NECTIN3: variants seen among roughly 807,000 people sequenced by gnomAD.
NECTIN3 encodes the protein nectin cell adhesion molecule 3, also known as nectin-3.
Under a neutral mutation model 49.4 loss-of-function variants are expected in NECTIN3, and 8 were observed. The observed-to-expected ratio is 0.16, with a 90% CI of 0.10 to 0.29. NECTIN3 has a LOEUF of 0.29. Among genes scored for constraint, NECTIN3 ranks in the 10% least tolerant of loss-of-function variants. The pLI is 1.00. For synonymous variants in NECTIN3, 277 were observed against 241.1 expected (o/e 1.15, Z -1.38); for missense variants, 581 against 654.6 (o/e 0.89, Z 1.23).
At chr3:111,144,543 G>C (rs2034828985) in intron 5 of NECTIN3, among the ~76,000 whole-genome samples, 1 of 151,538 alleles carries the variant, frequency 6.6e-6, no homozygotes, top group Non-Finnish European at 1.5e-5. Context: ...GTTTATATTA[G>C]AGAATATTGA....
At chr3:111,130,889 T>G (rs1368745543) in intron 5 of NECTIN3, among the ~76,000 whole-genome samples, 2 of 152,148 alleles carry the variant, frequency 1.3e-5, no homozygotes, top group Admixed American at 1.3e-4. Flanking sequence ...TAATACCTGT[T>G]TCTTATCTTT....
intron 7 of NECTIN3, chr3:111,147,573 T>C: frequency 4.6e-6 from 5 of 1,094,818 alleles, no homozygotes; most frequent in Non-Finnish European, 6.5e-6. Context: ...AAATGTTGTT[T>C]AGTCATTATG....
chr3:111,161,765 T>TG (rs1285152180), intron 7 of NECTIN3, among the ~76,000 whole-genome samples: 1 of 152,230 alleles, frequency 6.6e-6, no homozygotes, highest in African/African-American at 2.4e-5. Flanking sequence ...TGGTGACTAC[T>TG]GTTCTGGGGG....
At chr3:111,126,400 A>G in intron 5 of NECTIN3, 65 bp downstream of exon 5, 1 of 1,357,836 alleles carries the variant, frequency 7.4e-7, no homozygotes, top group Non-Finnish European at 1.0e-6. Context: ...TAGTAACAAT[A>G]TGATCCTAAG....
At chr3:111,186,401 G>A (rs974050932) in intron 7 of NECTIN3, among the ~76,000 whole-genome samples, 1 of 152,030 alleles carries the variant, frequency 6.6e-6, no homozygotes, top group African/African-American at 2.4e-5. Flanking sequence ...CAAAAATAAA[G>A]CTGTACAGCT....
At chr3:111,103,039 T>C (rs2032995625) in intron 1 of NECTIN3, among the ~76,000 whole-genome samples, 1 of 152,188 alleles carries the variant, frequency 6.6e-6, no homozygotes, top group Admixed American at 6.6e-5. Flanking sequence ...CCACGTGGTC[T>C]TGATCACAGT....
chr3:111,141,299 C>G (rs1237453183), downstream of NECTIN3, among the ~76,000 whole-genome samples: 1 of 151,654 alleles, frequency 6.6e-6, no homozygotes, highest in Admixed American at 6.6e-5. Flanking sequence ...GGGAAGATAA[C>G]TTTGTAGGCC....
chr3:111,153,475 T>A (rs1353306251), intron 7 of NECTIN3, among the ~76,000 whole-genome samples: 1 of 152,012 alleles, frequency 6.6e-6, no homozygotes, highest in Non-Finnish European at 1.5e-5. Flanking sequence ...GCTATCTGTC[T>A]TATAAATGAG....
chr3:111,127,806 G>C (rs2107482069), intron 5 of NECTIN3, among the ~76,000 whole-genome samples: 1 of 152,064 alleles, frequency 6.6e-6, no homozygotes, highest in Middle Eastern at 3.4e-3. Flanking sequence ...GAGCTCAAGT[G>C]ATCTGCCCAC....
downstream of NECTIN3, among the ~76,000 whole-genome samples, chr3:111,139,696 A>G (rs1476260120): frequency 6.6e-6 from 1 of 151,720 alleles, no homozygotes; most frequent in Admixed American, 6.6e-5. Flanking sequence ...TATCTATCAT[A>G]ACCTCACATC....
rs1269989005 is a variant in NECTIN3 at position 111,092,651 on chromosome 3, T to A, written c.161-19379T>A. ...CAGTACTGTTCTGTTGATTCATATG[T>A]CTTCTTATTCTAGTGTCACACAGTT... On this transcript the variant is annotated intron_variant, in intron 1 of 5. Transcript: ENST00000485303. 2.0e-5 allele frequency among the ~76,000 whole-genome samples: 3 copies of A among 152,230 alleles called. No individual in the cohort carries two copies. In the East Asian group the frequency reaches 5.8e-4, roughly 29 times the overall value.
At position 111,072,214 on chromosome 3, in the gene NECTIN3, G is replaced by T. The variant is rs978733939; in HGVS notation, c.160+37G>T. 2.0e-6 allele frequency: 3 copies of T among 1,522,848 alleles called. No individual in the cohort carries two copies. The African/African-American group carries it at 4.2e-5, about 21-fold the overall frequency. The allele number at this position is 1,522,848 out of a possible 1,614,324, so 94.3% of individuals were successfully genotyped here. A position where few individuals can be genotyped will look rare whatever the true frequency, so the allele number is the denominator to read the frequency against. ...TCGGCGGCCGGCGTGGGCTGAGGGA[G>T]CCGCCACTGAGGGTGCGGGCGCCGC... On this transcript the variant is annotated intron_variant, in intron 1 of 5. Transcript: ENST00000485303.
chr3:111,090,342 T>TA (rs2032189555), intron 1 of NECTIN3, among the ~76,000 whole-genome samples: 1 of 152,152 alleles, frequency 6.6e-6, no homozygotes, highest in Non-Finnish European at 1.5e-5. Context: ...TAATTCTTCA[T>TA]AATTCCATTT....
At chr3:111,193,314 G>C (rs1420044509) in intron 1 of NECTIN3, 1 of 1,535,752 alleles carries the variant, frequency 6.5e-7, no homozygotes, top group Non-Finnish European at 8.7e-7. Context: ...CCGGAGCCCT[G>C]GCAAACATCA....
chr3:111,125,690 G>C (rs1307609722), intron 4 of NECTIN3, among the ~76,000 whole-genome samples: 4 of 152,104 alleles, frequency 2.6e-5, no homozygotes, highest in African/African-American at 9.7e-5. Flanking sequence ...AGAGCACAGT[G>C]TCTATTTGCA....
At chr3:111,075,979 TAAACAGATATTTTTGGA>T (rs2031167198) in intron 1 of NECTIN3, among the ~76,000 whole-genome samples, 1 of 152,120 alleles carries the variant, frequency 6.6e-6, no homozygotes, top group Admixed American at 6.6e-5. Context: ...TTCTGCATCC[TAAACAGATATTTTTGGA>T]AAGTAACCCA....
intron 1 of NECTIN3, among the ~76,000 whole-genome samples, chr3:111,093,358 T>G (rs969795774): frequency 6.6e-6 from 1 of 152,142 alleles, no homozygotes; most frequent in Non-Finnish European, 1.5e-5. Context: ...TGTGACCATA[T>G]TTTAAAGGTG....
intron 7 of NECTIN3, among the ~76,000 whole-genome samples, chr3:111,177,024 C>T (rs937733303): frequency 2.6e-5 from 4 of 152,044 alleles, no homozygotes; most frequent in African/African-American, 9.7e-5. Context: ...TTAATTTTTA[C>T]TCTTATTTTT....
intron 2 of NECTIN3, among the ~76,000 whole-genome samples, chr3:111,118,284 T>TATATA (rs1559789405): frequency 0.016 from 797 of 49,492 alleles, 12 homozygotes; most frequent in Middle Eastern, 0.06. Flanking sequence ...ATATATATAT[T>TATATA]ATACATATAT....
Sources: allele counts gnomAD v4.1 joint callset (sites outside exome capture counted in the v4.1 genomes callset), GRCh38; gene constraint gnomAD v4.1.1; transcripts MANE v1.5; gene names NCBI Gene and HGNC (gene_info 2026-07-23, HGNC 2026-07-21).